The following FOXK2 variants were observed in gnomAD, a reference collection of about 807,000 sequenced individuals.
The protein encoded by FOXK2 is forkhead box protein K2.
A neutral mutation model predicts 53.3 loss-of-function variants in FOXK2; 24 were observed. The ratio of observed to expected loss-of-function variants is 0.45; its 90% CI spans 0.33 to 0.63. FOXK2 has a LOEUF of 0.63. Among genes scored for constraint, FOXK2 ranks in the 30% least tolerant of loss-of-function variants. The probability of loss-of-function intolerance (pLI) is 0.03; values close to 1 mark genes in which losing one functional copy is unlikely to be tolerated. For synonymous variants in FOXK2, 505 were observed against 407.1 expected (o/e 1.24, Z -2.89); for missense variants, 952 against 910.5 (o/e 1.05, Z -0.59).
At chr17:82,576,663 G>C (rs114793614) in intron 4 of FOXK2, 16 of 1,163,260 alleles carry the variant, frequency 1.4e-5, no homozygotes, top group Non-Finnish European at 2.0e-5. Flanking sequence ...TTGACACAAC[G>C]AAGTCACCAC....
At chr17:82,571,972 G>A (rs2044923438) in intron 4 of FOXK2, 102 bp downstream of exon 4, 1 of 1,214,036 alleles carries the variant, frequency 8.2e-7, no homozygotes, top group East Asian at 2.9e-5. Flanking sequence ...GAAGGTAGAA[G>A]GGGGGGTTGG....
At chr17:82,565,816 A>G (rs1039063573) in intron 2 of FOXK2, among the ~76,000 whole-genome samples, 2 of 152,230 alleles carry the variant, frequency 1.3e-5, no homozygotes, top group African/African-American at 4.8e-5. Flanking sequence ...ATATAGACCC[A>G]AACTGAAGGC....
chr17:82,596,292 C>A, intron 8 of FOXK2: 2 of 815,008 alleles, frequency 2.5e-6, no homozygotes, highest in Non-Finnish European at 3.0e-6. Flanking sequence ...GGAACACGTT[C>A]CTTGCCCAGA....
intron 4 of FOXK2, chr17:82,572,184 C>A (rs2143040623): frequency 4.3e-6 from 1 of 234,768 alleles, no homozygotes. Context: ...CAATGCAGTT[C>A]ATATTTGAAA....
At chr17:82,568,225 C>A (rs2044873763) in intron 3 of FOXK2, 24 bp downstream of exon 3, 9 of 1,611,018 alleles carry the variant, frequency 5.6e-6, no homozygotes, top group Non-Finnish European at 7.6e-6. Flanking sequence ...AGCCTTGAAG[C>A]AGCCCCTGGG....
At position 82,603,694 on chromosome 17, in the gene FOXK2, C is replaced by G. The variant is rs186702319; in HGVS notation, c.*2195C>G. On this transcript the variant is annotated 3_prime_UTR_variant, in exon 9 of 9. Transcript: ENST00000335255. The stretch of plus-strand genomic sequence containing the variant: ...ATCACAGGTAAGGAAAATGTCCATT[C>G]AAATGGTAAAGAAGGGAGGAGGGTG... The G allele has an allele frequency of 3.4e-5, 5 of 148,566 alleles. No individual in the cohort carries two copies. The East Asian group carries it at 1.0e-3, about 30-fold the overall frequency. The allele number at this position is 148,566 out of a possible 1,614,324, so 9.2% of individuals were successfully genotyped here.
chr17:82,592,948 C>T (rs974650389), intron 8 of FOXK2, among the ~76,000 whole-genome samples: 2 of 149,516 alleles, frequency 1.3e-5, no homozygotes, highest in African/African-American at 2.5e-5. Flanking sequence ...CTCCCTGCGC[C>T]GGGCACAGGC....
chr17:82,531,948 C>T lies in FOXK2; in HGVS notation c.419+11641C>T, dbSNP rs141553578. 3.3e-3 allele frequency among the ~76,000 whole-genome samples: 507 copies of T among 152,168 alleles called. 9 individuals carry two copies. Among genetic ancestry groups the T allele is most frequent in the African/African-American group, 0.012 (492 of 41,500 alleles). On this transcript the variant is annotated intron_variant, in intron 1 of 8. Transcript: ENST00000335255. ...GTCTGCCTCCCAGGTTCAAGCAGTT[C>T]TCCTGCCTCAGCTTCCCGAGTAGCT...
chr17:82,554,341 C>G (rs1400270501), intron 1 of FOXK2, among the ~76,000 whole-genome samples: 1 of 152,178 alleles, frequency 6.6e-6, no homozygotes, highest in East Asian at 1.9e-4. Context: ...AGGAACCTGT[C>G]TTTGGAGTCC....
chr17:82,583,837 C>T (rs186874744), intron 5 of FOXK2, among the ~76,000 whole-genome samples, 176 bp from the exon 6 acceptor site: 165 of 152,308 alleles, frequency 1.1e-3, no homozygotes, highest in Middle Eastern at 3.4e-3. Context: ...TCTGTCTACC[C>T]GAGTGTCCCG....
chr17:82,534,518 A>G (rs1318452681), intron 1 of FOXK2, among the ~76,000 whole-genome samples: 1 of 152,192 alleles, frequency 6.6e-6, no homozygotes. Context: ...CTAGGTCGTC[A>G]TGCCTCAGGC....
Position 82,571,720 on chromosome 17 carries a change from A to G in FOXK2, c.763-4A>G. On this transcript the variant is annotated splice_region_variant and splice_polypyrimidine_tract_variant and intron_variant, in intron 3 of 8. Coordinates refer to ENST00000335255, the MANE Select transcript of FOXK2 (RefSeq NM_004514.4). ...TTCGTTTTGTGTTTGTTTTTTAAAT[A>G]CAGGATGATTCAAAGCCGCCTTACT... 1 of 1,524,034 alleles carries G rather than the reference A, an allele frequency of 6.6e-7. No homozygotes were observed. The highest frequency in any genetic ancestry group is 8.8e-7 in the Non-Finnish European group (1 of 1,140,840). The allele number at this position is 1,524,034 out of a possible 1,614,324, so 94.4% of individuals were successfully genotyped here.
At chr17:82,547,708 C>T (rs893371703) in intron 1 of FOXK2, among the ~76,000 whole-genome samples, 2 of 152,044 alleles carry the variant, frequency 1.3e-5, no homozygotes, top group East Asian at 3.8e-4. Flanking sequence ...ACCATGTAGC[C>T]GAAATCACAA....
At chr17:82,574,106 C>G (rs1325910541) in intron 4 of FOXK2, among the ~76,000 whole-genome samples, 2 of 152,210 alleles carry the variant, frequency 1.3e-5, no homozygotes, top group African/African-American at 4.8e-5. Context: ...GACTAGCACA[C>G]GTCAGGCACC....
intron 6 of FOXK2, among the ~76,000 whole-genome samples, chr17:82,585,541 C>A (rs1288228199): frequency 6.6e-6 from 1 of 152,192 alleles, no homozygotes; most frequent in Admixed American, 6.5e-5. Flanking sequence ...ATCTCAAACT[C>A]CTCCCACCTC....
At chr17:82,529,055 G>C (rs2044445823) in intron 1 of FOXK2, among the ~76,000 whole-genome samples, 1 of 152,206 alleles carries the variant, frequency 6.6e-6, no homozygotes, top group Admixed American at 6.6e-5. Flanking sequence ...CAGGAGGGGA[G>C]AGCCGCCTGT....
intron 8 of FOXK2, among the ~76,000 whole-genome samples, chr17:82,597,115 C>T (rs2045321934): frequency 6.6e-6 from 1 of 152,184 alleles, no homozygotes; most frequent in East Asian, 1.9e-4. Flanking sequence ...CTGTAACACA[C>T]CCGTGTCGAC....
chr17:82,541,178 C>A (rs2044571293), intron 1 of FOXK2, among the ~76,000 whole-genome samples: 1 of 151,986 alleles, frequency 6.6e-6, no homozygotes, highest in Non-Finnish European at 1.5e-5. Flanking sequence ...GGGACAGGGA[C>A]AAAGGGTGTG....
intron 8 of FOXK2, among the ~76,000 whole-genome samples, chr17:82,593,182 G>T (rs2045271456): frequency 6.6e-6 from 1 of 151,374 alleles, no homozygotes; most frequent in African/African-American, 2.4e-5. Flanking sequence ...AGCAGACCCA[G>T]TGAAGGTCTC....
Sources: allele counts gnomAD v4.1 joint callset (sites outside exome capture counted in the v4.1 genomes callset), GRCh38; gene constraint gnomAD v4.1.1; transcripts MANE v1.5; gene names NCBI Gene and HGNC (gene_info 2026-07-23, HGNC 2026-07-21).